Variants in CDH26 observed in about 807,000 individuals in gnomAD.
CDH26 encodes the protein cadherin 26.
CDH26 carries 83 observed loss-of-function variants against 90.3 expected under a neutral mutation model. That is an observed-to-expected ratio of 0.92 (90% confidence interval 0.77 to 1.10). The LOEUF (loss-of-function observed/expected upper bound fraction) is 1.10, where lower values mean the gene tolerates loss of function less well. Among genes scored for constraint, CDH26 ranks in the 50% least tolerant of loss-of-function variants. CDH26 has a pLI of 0.00. For missense variants in CDH26, 1,013 were observed against 1,037.6 expected (o/e 0.98, Z 0.33); for synonymous variants, 397 against 396.3 (o/e 1.00, Z -0.02).
intron 1 of CDH26, among the ~76,000 whole-genome samples, chr20:59,965,528 A>G (rs74716911): frequency 0.02 from 2,991 of 152,316 alleles, 100 homozygotes; most frequent in African/African-American, 0.068. Context: ...AAAAAGTGCC[A>G]CTATCTATAT....
intron 17 of CDH26, 103 bp from the exon 18 acceptor site, chr20:60,012,424 C>A: frequency 1.9e-6 from 2 of 1,049,656 alleles, no homozygotes; most frequent in Non-Finnish European, 2.8e-6. Context: ...GGCCTGAGTG[C>A]TGTTACTACT....
chr20:59,989,632 A>G (rs898139030), intron 9 of CDH26, among the ~76,000 whole-genome samples: 2 of 152,120 alleles, frequency 1.3e-5, no homozygotes, highest in African/African-American at 2.4e-5. Flanking sequence ...GCCACAGTGC[A>G]TGACCACTGA....
chr20:59,969,716 T>A (rs1253583726), intron 2 of CDH26, among the ~76,000 whole-genome samples: 1 of 152,188 alleles, frequency 6.6e-6, no homozygotes, highest in South Asian at 2.1e-4. Flanking sequence ...ATCAATAATT[T>A]CAGGAAGACT....
intron 7 of CDH26, among the ~76,000 whole-genome samples, chr20:60,023,380 C>T (rs1279341225): frequency 6.6e-6 from 1 of 152,184 alleles, no homozygotes; most frequent in African/African-American, 2.4e-5. Flanking sequence ...AACCGAAGCA[C>T]GTGGCCTTGG....
intron 9 of CDH26, among the ~76,000 whole-genome samples, chr20:59,990,841 G>A (rs6128736): frequency 0.12 from 18,530 of 151,702 alleles, 1,673 homozygotes; most frequent in East Asian, 0.48. Flanking sequence ...GCAGATTGCT[G>A]GGCCCCACCC....
chr20:60,026,427 G>GAGA (rs2061998538), intron 7 of CDH26, among the ~76,000 whole-genome samples: 32 of 116,774 alleles, frequency 2.7e-4, no homozygotes, highest in African/African-American at 9.9e-4. Context: ...AGAGAGAGAG[G>GAGA]GAGAAGAGGA....
Position 59,970,164 on chromosome 20 carries a change from C to A in CDH26, c.209C>A (p.Pro70His). 1 of 1,613,932 alleles carries A rather than the reference C, an allele frequency of 6.2e-7. No individual in the cohort carries two copies. The highest frequency in any genetic ancestry group is 8.5e-7 in the Non-Finnish European group (1 of 1,179,924). Residue 70 changes from proline to histidine, a missense_variant, in exon 3 of 18, where the codon CCC (proline) becomes CAC (histidine). Transcript: ENST00000348616. ...TLELEEEDPG[P>H]FPKLIGELFN... ...GAGCTGGAGGAGGAAGACCCGGGAC[C>A]CTTTCCCAAACTCATTGGTGAGGTA...
At chr20:60,027,494 T>C (rs2062007024) in intron 7 of CDH26, among the ~76,000 whole-genome samples, 1 of 152,222 alleles carries the variant, frequency 6.6e-6, no homozygotes, top group South Asian at 2.1e-4. Flanking sequence ...TATTCTTCGA[T>C]GTGTTTCAAA....
chr20:60,002,077 C>A (rs1226548831), intron 15 of CDH26, among the ~76,000 whole-genome samples: 1 of 152,090 alleles, frequency 6.6e-6, no homozygotes, highest in Non-Finnish European at 1.5e-5. Flanking sequence ...CCAAAATGTA[C>A]TTTTCTGATA....
chr20:59,982,400 C>T (rs2061405589), intron 4 of CDH26, among the ~76,000 whole-genome samples: 2 of 152,180 alleles, frequency 1.3e-5, no homozygotes, highest in African/African-American at 4.8e-5. Context: ...AAAGATTTCA[C>T]ACATGCATAT....
intron 17 of CDH26, among the ~76,000 whole-genome samples, chr20:60,008,126 T>C (rs912114970): frequency 4.6e-5 from 7 of 152,156 alleles, no homozygotes; most frequent in Non-Finnish European, 1.0e-4. Context: ...GCTCCTCCTG[T>C]TGCAGGGCAG....
chr20:59,984,878 A>C, intron 6 of CDH26, 73 bp downstream of exon 6: 1 of 1,563,080 alleles, frequency 6.4e-7, no homozygotes, highest in Non-Finnish European at 8.7e-7. Context: ...TAGATTCTAC[A>C]TTTGTAGTGG....
chr20:59,971,930 T>C, intron 3 of CDH26, 32 bp from the exon 4 acceptor site: 4 of 1,582,948 alleles, frequency 2.5e-6, no homozygotes, highest in Non-Finnish European at 3.5e-6. Flanking sequence ...CTCATCCTCC[T>C]TTTTTCTTCT....
intron 4 of CDH26, among the ~76,000 whole-genome samples, chr20:59,979,019 C>T (rs1404764153): frequency 6.6e-5 from 10 of 152,024 alleles, no homozygotes; most frequent in Admixed American, 6.6e-4. Context: ...CTCCTTCAAC[C>T]CTTAACCCCT....
At chr20:59,978,773 T>C (rs1248733867) in intron 4 of CDH26, among the ~76,000 whole-genome samples, 1 of 152,208 alleles carries the variant, frequency 6.6e-6, no homozygotes, top group Non-Finnish European at 1.5e-5. Flanking sequence ...CTCTCTGGTC[T>C]AATTCCACAG....
chr20:59,990,351 C>G (rs1416288400), intron 9 of CDH26, among the ~76,000 whole-genome samples: 1 of 152,048 alleles, frequency 6.6e-6, no homozygotes, highest in African/African-American at 2.4e-5. Context: ...TCCATGAGAC[C>G]ATGATCATGG....
chr20:59,978,995 AG>A (rs1340876343), intron 4 of CDH26, among the ~76,000 whole-genome samples: 2 of 152,148 alleles, frequency 1.3e-5, no homozygotes, highest in Non-Finnish European at 2.9e-5. Context: ...TAGTTCTAAG[AG>A]TTTTGACAAA....
intron 16 of CDH26, among the ~76,000 whole-genome samples, chr20:60,006,173 TCA>T (rs2061747097): frequency 6.6e-6 from 1 of 152,186 alleles, no homozygotes; most frequent in African/African-American, 2.4e-5. Flanking sequence ...CCAGCCTGAC[TCA>T]CATGATTTAG....
chr20:60,021,531 C>T (rs1399869328), intron 7 of CDH26, among the ~76,000 whole-genome samples: 2 of 152,158 alleles, frequency 1.3e-5, no homozygotes, highest in African/African-American at 2.4e-5. Flanking sequence ...TCATACCTTA[C>T]ATTAAAAATG....
Sources: gnomAD v4.1 joint callset for allele counts (sites outside exome capture counted in the v4.1 genomes callset) on GRCh38, gnomAD v4.1.1 for gene constraint, MANE v1.5 for transcripts, NCBI Gene and HGNC (gene_info 2026-07-23, HGNC 2026-07-21) for gene names.